NAV2: variants seen among roughly 807,000 people sequenced by gnomAD.
NAV2 encodes helicase, APC down-regulated 1.
A neutral mutation model predicts 223.2 loss-of-function variants in NAV2; 54 were observed. The ratio of observed to expected loss-of-function variants is 0.24; its 90% confidence interval spans 0.19 to 0.30. The LOEUF is 0.30. Ranked by LOEUF, NAV2 falls within the 10% of genes least tolerant of loss-of-function variation. NAV2 has a pLI of 1.00. For synonymous variants in NAV2, 1,279 were observed against 1,239.3 expected (o/e 1.03, Z -0.67); for missense variants, 2,806 against 3,147.5 (o/e 0.89, Z 2.60).
chr11:19,971,882 T>C (rs2049280387), intron 10 of NAV2, among the ~76,000 whole-genome samples: 1 of 152,192 alleles, frequency 6.6e-6, no homozygotes, highest in South Asian at 2.1e-4. Flanking sequence ...TTTGTATTTT[T>C]AGTAGAGACG....
intron 7 of NAV2, 147 bp from the exon 8 acceptor site, chr11:19,939,514 A>G (rs1269357749): frequency 3.4e-6 from 2 of 594,138 alleles, no homozygotes; most frequent in Non-Finnish European, 3.1e-6. Flanking sequence ...CGGCTAATGA[A>G]TTATTTAGCG....
intron 1 of NAV2, among the ~76,000 whole-genome samples, chr11:19,671,304 C>T (rs750259097): frequency 4.6e-5 from 7 of 152,184 alleles, no homozygotes; most frequent in Middle Eastern, 3.2e-3. Context: ...TAATTTATGG[C>T]GTGATTTCTT....
intron 1 of NAV2, among the ~76,000 whole-genome samples, chr11:19,484,674 C>A (rs1439266947): frequency 6.6e-6 from 1 of 152,230 alleles, no homozygotes; most frequent in Non-Finnish European, 1.5e-5. Flanking sequence ...CAGACCCCTT[C>A]CTCATCAGCC....
chr11:19,565,332 AT>A (rs1041305156), intron 1 of NAV2, among the ~76,000 whole-genome samples: 2 of 152,146 alleles, frequency 1.3e-5, no homozygotes, highest in African/African-American at 2.4e-5. Flanking sequence ...CTCTTCTCCT[AT>A]TTCCCTAATC....
At chr11:19,658,752 A>G (rs1252008272) in intron 1 of NAV2, among the ~76,000 whole-genome samples, 3 of 152,300 alleles carry the variant, frequency 2.0e-5, no homozygotes, top group East Asian at 1.9e-4. Context: ...GCCTGAAATC[A>G]GCTATGGTGG....
chr11:19,927,530 A>C (rs2044880738), intron 6 of NAV2, among the ~76,000 whole-genome samples: 1 of 152,126 alleles, frequency 6.6e-6, no homozygotes, highest in Non-Finnish European at 1.5e-5. Context: ...TGCAGTGAGC[A>C]CTCCAGCCTG....
chr11:19,688,521 A>C (rs894338569), intron 1 of NAV2, among the ~76,000 whole-genome samples: 13 of 152,236 alleles, frequency 8.5e-5, no homozygotes, highest in Admixed American at 6.5e-4. Context: ...ATATATGAGA[A>C]GTAAAAATAT....
intron 1 of NAV2, among the ~76,000 whole-genome samples, chr11:19,406,940 T>C (rs1849922594): frequency 6.6e-6 from 1 of 152,204 alleles, no homozygotes; most frequent in African/African-American, 2.4e-5. Context: ...TATTTTGGGG[T>C]AACTTCCAAA....
chr11:19,757,663 G>A (rs2054349187), intron 1 of NAV2, among the ~76,000 whole-genome samples: 1 of 152,152 alleles, frequency 6.6e-6, no homozygotes, highest in Admixed American at 6.5e-5. Flanking sequence ...GAAGGTATAA[G>A]GGACATGAAT....
At chr11:19,677,768 G>A (rs575252258) in intron 1 of NAV2, among the ~76,000 whole-genome samples, 10 of 152,292 alleles carry the variant, frequency 6.6e-5, no homozygotes, top group African/African-American at 9.6e-5. Flanking sequence ...TTGTAAATAC[G>A]GTTTTATTGG....
At position 20,049,884 on chromosome 11, in the gene NAV2, G is replaced by T. The variant is rs772286151; in HGVS notation, c.4419G>T (p.Leu1473=). 10 of 1,613,990 alleles carry T rather than the reference G, an allele frequency of 6.2e-6. No individual in the cohort carries two copies. In the African/African-American group the frequency reaches 9.3e-5, roughly 15 times the overall value. The part of the protein sequence containing the change: ...AASPKFCRST[L]PRKQDSDPHL... ...GCCCTAAGTTCTGCAGAAGTACTCT[G>T]CCCAGGAAACAGGACAGGTAATGAC... The change falls in exon 16 of 38, where the codon CTG becomes CTT. Residue 1473 remains leucine (L), a synonymous_variant. Coordinates refer to ENST00000349880, the MANE Select transcript of NAV2 (RefSeq NM_145117.5).
chr11:19,654,935 G>A (rs568098147), intron 1 of NAV2, among the ~76,000 whole-genome samples: 14 of 152,164 alleles, frequency 9.2e-5, no homozygotes, highest in South Asian at 2.1e-4. Flanking sequence ...AAAAGAAACT[G>A]CCATCAGAGT....
chr11:19,529,046 G>A (rs771024544), intron 1 of NAV2, among the ~76,000 whole-genome samples: 38 of 152,114 alleles, frequency 2.5e-4, no homozygotes, highest in African/African-American at 4.6e-4. Context: ...AAGAAAGGGC[G>A]TTTTGGCACG....
chr11:19,715,911 C>A (rs1034162603), intron 1 of NAV2, among the ~76,000 whole-genome samples: 1 of 152,172 alleles, frequency 6.6e-6, no homozygotes, highest in African/African-American at 2.4e-5. Context: ...TGCCTGCCCT[C>A]GTTTGCCAGT....
At chr11:19,643,258 G>A (rs948409821) in intron 1 of NAV2, among the ~76,000 whole-genome samples, 2 of 152,018 alleles carry the variant, frequency 1.3e-5, no homozygotes, top group Admixed American at 6.5e-5. Context: ...TTGGTGTGCT[G>A]CACCCATTAC....
intron 11 of NAV2, among the ~76,000 whole-genome samples, chr11:20,014,737 A>C (rs1451809399): frequency 6.6e-6 from 1 of 152,096 alleles, no homozygotes; most frequent in Non-Finnish European, 1.5e-5. Context: ...CCCTCTCTCT[A>C]CTAAAAATAC....
chr11:19,501,755 A>G (rs1405120827), intron 1 of NAV2, among the ~76,000 whole-genome samples: 2 of 151,872 alleles, frequency 1.3e-5, no homozygotes, highest in Non-Finnish European at 2.9e-5. Flanking sequence ...GCAGCAGCAG[A>G]AATTACTTCA....
In NAV2 at chr11:19,933,580, A is replaced by G; in HGVS notation, c.1336A>G (p.Ser446Gly). 1.2e-6 allele frequency: 2 copies of G among 1,611,204 alleles called. No individual in the cohort carries two copies. Among genetic ancestry groups the G allele is most frequent in the South Asian group, 2.2e-5 (2 of 90,974 alleles). Reference sequence around the variant, plus strand: ...AGAGAGCGAGGAGCTGGAGGCCGCCAGTCGCATGCTCACCACCGTGGGCCC... The same window carrying G: ...AGAGAGCGAGGAGCTGGAGGCCGCCGGTCGCATGCTCACCACCGTGGGCCC... ...FEESEELEAASRMLTTVGPAS... is the reference protein window; with the variant it reads ...FEESEELEAAGRMLTTVGPAS... The change falls in exon 7 of 38, where the codon AGT (serine) becomes GGT (glycine). Residue 446 changes from serine to glycine, a missense_variant. Physicochemically the swap from Ser to Gly is moderately conservative, Grantham distance 56. Transcript: ENST00000349880. The surrounding 1 kb of genome is among the most constrained non-coding windows in gnomAD (Gnocchi z 4.3).
intron 1 of NAV2, among the ~76,000 whole-genome samples, chr11:19,643,964 C>T (rs2047743106): frequency 6.6e-6 from 1 of 152,204 alleles, no homozygotes; most frequent in Non-Finnish European, 1.5e-5. Context: ...ATACCAGGAA[C>T]CTGGCATTTA....
Sources: gnomAD v4.1 joint callset for allele counts (sites outside exome capture counted in the v4.1 genomes callset) on GRCh38, gnomAD v4.1.1 for gene constraint, Gnocchi (gnomAD v3.1) non-coding constraint, MANE v1.5 for transcripts, NCBI Gene and HGNC (gene_info 2026-07-23, HGNC 2026-07-21) for gene names.